The following RANBP2 variants were observed in gnomAD, a reference collection of about 807,000 sequenced individuals.
RANBP2 encodes E3 SUMO-protein ligase RanBP2.
A neutral mutation model predicts 303.6 loss-of-function variants in RANBP2; 57 were observed. The ratio of observed to expected loss-of-function variants is 0.19; its 90% CI spans 0.15 to 0.23. The LOEUF (loss-of-function observed/expected upper bound fraction) is 0.23. Among genes scored for constraint, RANBP2 ranks in the 10% least tolerant of loss-of-function variants. The pLI, the probability that RANBP2 is intolerant of heterozygous loss-of-function variation, is 1.00. For missense variants in RANBP2, 3,138 were observed against 3,780.8 expected, an observed-to-expected ratio of 0.83 and a Z score of 4.46; for synonymous variants, 1,167 against 1,301.5, an observed-to-expected ratio of 0.90 and a Z score of 2.23.
the RANBP2 span, among the ~76,000 whole-genome samples, chr2:109,180,401 A>G: frequency 6.6e-6 from 1 of 152,314 alleles, no homozygotes; most frequent in African/African-American, 2.4e-5. Context: ...GCAGGTACAC[A>G]GAGGCCATTA....
At chr2:109,093,407 A>T in the RANBP2 span, among the ~76,000 whole-genome samples, 1 of 87,204 alleles carries the variant, frequency 1.1e-5, no homozygotes, top group Non-Finnish European at 2.8e-5. Flanking sequence ...GGAGATTTGT[A>T]AAAAAAAAAA....
the RANBP2 span, among the ~76,000 whole-genome samples, chr2:108,972,993 T>C: frequency 1.3e-5 from 2 of 149,480 alleles, no homozygotes; most frequent in Non-Finnish European, 3.0e-5. Flanking sequence ...TTTAATTGAA[T>C]TTTTTTTTTT....
the RANBP2 span, among the ~76,000 whole-genome samples, chr2:109,427,571 G>A: frequency 2.0e-5 from 3 of 152,260 alleles, no homozygotes; most frequent in South Asian, 6.2e-4. Flanking sequence ...AGTACCACTG[G>A]CCCAGGTTCA....
the RANBP2 span, chr2:108,929,401 G>A: frequency 1.2e-6 from 2 of 1,613,436 alleles, no homozygotes; most frequent in East Asian, 2.2e-5. Context: ...AAGAGGACAG[G>A]GGACACAGGT....
chr2:109,670,976 G>A, the RANBP2 span, among the ~76,000 whole-genome samples: 1 of 152,202 alleles, frequency 6.6e-6, no homozygotes, highest in Non-Finnish European at 1.5e-5. Context: ...CCAGGCCCCA[G>A]TGCCTGGCCA....
the RANBP2 span, among the ~76,000 whole-genome samples, chr2:109,155,312 T>C: frequency 1.3e-5 from 2 of 152,206 alleles, no homozygotes; most frequent in South Asian, 2.1e-4. Context: ...TGTTTTGTTT[T>C]GTTTTAGAGA....
the RANBP2 span, among the ~76,000 whole-genome samples, chr2:109,312,886 G>A: frequency 5.3e-5 from 8 of 152,276 alleles, no homozygotes; most frequent in South Asian, 1.7e-3. Flanking sequence ...TGTATACCTA[G>A]GAATGGACTT....
chr2:109,161,199 T>TG, the RANBP2 span, among the ~76,000 whole-genome samples: 4 of 152,204 alleles, frequency 2.6e-5, no homozygotes, highest in African/African-American at 9.6e-5. Flanking sequence ...AGTTAAATCC[T>TG]GGGGGCAGGT....
chr2:109,625,466 A>G, the RANBP2 span, among the ~76,000 whole-genome samples: 2 of 150,430 alleles, frequency 1.3e-5, no homozygotes, highest in African/African-American at 4.9e-5. Flanking sequence ...CACCCTGGCT[A>G]AGATGGTGAA....
At chr2:109,653,229 T>C in the RANBP2 span, among the ~76,000 whole-genome samples, 1 of 152,072 alleles carries the variant, frequency 6.6e-6, no homozygotes, top group Non-Finnish European at 1.5e-5. Flanking sequence ...ACCCCGTCTC[T>C]ACTAAAAGTA....
chr2:108,825,431 C>T, the RANBP2 span, among the ~76,000 whole-genome samples: 1 of 149,954 alleles, frequency 6.7e-6, no homozygotes, highest in Non-Finnish European at 1.5e-5. Flanking sequence ...CTCCTCTCTC[C>T]AAAAAAAAAC....
the RANBP2 span, among the ~76,000 whole-genome samples, chr2:108,866,019 T>A: frequency 3.9e-5 from 6 of 152,128 alleles, no homozygotes; most frequent in Non-Finnish European, 8.8e-5. Flanking sequence ...GTTCCTGTCT[T>A]ATGGAGCTGT....
chr2:109,230,131 T>C, the RANBP2 span, among the ~76,000 whole-genome samples: 1 of 152,162 alleles, frequency 6.6e-6, no homozygotes, highest in Non-Finnish European at 1.5e-5. Flanking sequence ...GCCGATTTTT[T>C]TTTTCTTCTT....
At chr2:109,703,040 A>G in the RANBP2 span, among the ~76,000 whole-genome samples, 1 of 152,202 alleles carries the variant, frequency 6.6e-6, no homozygotes, top group Admixed American at 6.5e-5. Context: ...TAGGAGAGGA[A>G]TGTTCAAAAA....
chr2:109,341,175 G>A, the RANBP2 span, among the ~76,000 whole-genome samples: 1 of 152,206 alleles, frequency 6.6e-6, no homozygotes, highest in Non-Finnish European at 1.5e-5. Flanking sequence ...AAAACAAAAA[G>A]TTTGGACCCA....
chr2:109,169,945 C>T, the RANBP2 span, among the ~76,000 whole-genome samples: 2 of 152,090 alleles, frequency 1.3e-5, no homozygotes, highest in Non-Finnish European at 2.9e-5. Flanking sequence ...AGTTTTAAAT[C>T]TTTAAGAGAC....
At chr2:109,113,019 C>T in the RANBP2 span, among the ~76,000 whole-genome samples, 1 of 152,150 alleles carries the variant, frequency 6.6e-6, no homozygotes, top group South Asian at 2.1e-4. Context: ...CAGTACCATG[C>T]TGTTTTGGTT....
chr2:109,712,910 C>T, the RANBP2 span, among the ~76,000 whole-genome samples: 23 of 152,254 alleles, frequency 1.5e-4, no homozygotes, highest in Non-Finnish European at 2.9e-4. Flanking sequence ...TGCGCCAGAG[C>T]GAGAGTGAGT....
At chr2:109,129,285 C>T in the RANBP2 span, 6 of 669,010 alleles carry the variant, frequency 9.0e-6, no homozygotes, top group Non-Finnish European at 1.5e-5. Context: ...AGGTGTAGCC[C>T]GCAGCCGCAG....
Sources: allele counts gnomAD v4.1 joint callset (sites outside exome capture counted in the v4.1 genomes callset), GRCh38; gene constraint gnomAD v4.1.1; transcripts MANE v1.5; gene names NCBI Gene and HGNC (gene_info 2026-07-23, HGNC 2026-07-21).